The following WDR20 variants were observed in gnomAD, a reference collection of about 807,000 sequenced individuals.
WDR20 encodes the protein WD repeat-containing protein 20.
Under a neutral mutation model 38.7 loss-of-function variants are expected in WDR20, and 3 were observed. The ratio of observed to expected loss-of-function variants is 0.08; its 90% CI spans 0.04 to 0.20. The LOEUF is 0.20. Among genes scored for constraint, WDR20 ranks in the 10% least tolerant of loss-of-function variants. The pLI is 1.00. For synonymous variants in WDR20, 298 were observed against 285.6 expected (o/e 1.04, Z -0.44); for missense variants, 559 against 727.7 (o/e 0.77, Z 2.67).
chr14:102,215,721 C>G (rs1236609755), downstream of WDR20, among the ~76,000 whole-genome samples: 1 of 152,160 alleles, frequency 6.6e-6, no homozygotes. Context: ...AGGCTTTGTG[C>G]TGGCGTGAGG....
chr14:102,191,722 T>C (rs200493110), intron 1 of WDR20, among the ~76,000 whole-genome samples: 1 of 152,218 alleles, frequency 6.6e-6, no homozygotes, highest in East Asian at 1.9e-4. Context: ...CTTCTGCTGT[T>C]CCCGTTTGGT....
At chr14:102,158,880 G>T (rs1318976142) in intron 1 of WDR20, among the ~76,000 whole-genome samples, 1 of 152,010 alleles carries the variant, frequency 6.6e-6, no homozygotes, top group East Asian at 1.9e-4. Context: ...CTACAAACGT[G>T]TCGCTGTTTC....
intron 1 of WDR20, among the ~76,000 whole-genome samples, chr14:102,150,847 C>G (rs375748405): frequency 6.6e-6 from 1 of 152,176 alleles, no homozygotes; most frequent in African/African-American, 2.4e-5. Context: ...AGAGGACTTA[C>G]TGAGTGCCTG....
chr14:102,212,619 A>G, downstream of WDR20: 2 of 1,534,768 alleles, frequency 1.3e-6, no homozygotes, highest in South Asian at 2.4e-5. Flanking sequence ...CACTGGAGAG[A>G]GGGGCAGGGA....
intron 1 of WDR20, among the ~76,000 whole-genome samples, chr14:102,186,761 C>T (rs1885896644): frequency 6.6e-6 from 1 of 152,034 alleles, no homozygotes; most frequent in African/African-American, 2.4e-5. Context: ...ACCACCCTGG[C>T]TAACATGGTG....
intron 1 of WDR20, among the ~76,000 whole-genome samples, chr14:102,180,795 T>C (rs1025931746): frequency 8.5e-5 from 13 of 152,216 alleles, no homozygotes; most frequent in Non-Finnish European, 1.9e-4. Context: ...GTCGTAACCA[T>C]GTGAGGGGCT....
At chr14:102,140,397 G>T (rs1272418387) in intron 1 of WDR20, among the ~76,000 whole-genome samples, 3 of 152,122 alleles carry the variant, frequency 2.0e-5, no homozygotes, top group African/African-American at 7.2e-5. Context: ...GGACCGTGGG[G>T]CGCGGGGGTT....
At chr14:102,187,717 G>A (rs1016428997) in intron 1 of WDR20, among the ~76,000 whole-genome samples, 1 of 152,128 alleles carries the variant, frequency 6.6e-6, no homozygotes, top group Non-Finnish European at 1.5e-5. Context: ...ATGGGTGGAA[G>A]GAGACTGGCA....
intron 2 of WDR20, among the ~76,000 whole-genome samples, chr14:102,197,322 G>A (rs2059580182): frequency 6.6e-6 from 1 of 152,242 alleles, no homozygotes; most frequent in African/African-American, 2.4e-5. Flanking sequence ...AATGGACAGA[G>A]AGTACTGGGC....
At chr14:102,162,261 G>A (rs2058904090) in intron 1 of WDR20, among the ~76,000 whole-genome samples, 1 of 152,304 alleles carries the variant, frequency 6.6e-6, no homozygotes, top group Non-Finnish European at 1.5e-5. Flanking sequence ...CACATTGAGT[G>A]CACCTTTGAC....
downstream of WDR20, among the ~76,000 whole-genome samples, chr14:102,216,369 T>C (rs2063222469): frequency 6.6e-6 from 1 of 152,170 alleles, no homozygotes; most frequent in South Asian, 2.1e-4. Flanking sequence ...CATGGCTCAC[T>C]GAAGCCTTGA....
At chr14:102,210,703 C>A (rs543254714), downstream of WDR20, among the ~76,000 whole-genome samples, 7 of 145,848 alleles carry the variant, frequency 4.8e-5, no homozygotes, top group Non-Finnish European at 6.0e-5. Flanking sequence ...GTTTTCCCAA[C>A]AAGGGAAAAG....
chr14:102,161,036 T>A (rs1175804069), intron 1 of WDR20, among the ~76,000 whole-genome samples: 2 of 141,862 alleles, frequency 1.4e-5, no homozygotes, highest in Non-Finnish European at 3.0e-5. Flanking sequence ...TCCTCACATG[T>A]ATGATAAATT....
intron 2 of WDR20, among the ~76,000 whole-genome samples, chr14:102,202,778 G>C (rs1393996933): frequency 6.7e-6 from 1 of 150,228 alleles, no homozygotes; most frequent in East Asian, 2.0e-4. Flanking sequence ...GGGTCTCACT[G>C]TGTCACCCAG....
At chr14:102,142,983 G>A (rs951616207) in intron 1 of WDR20, among the ~76,000 whole-genome samples, 2 of 151,984 alleles carry the variant, frequency 1.3e-5, no homozygotes, top group Non-Finnish European at 2.9e-5. Flanking sequence ...GGGAAATGGA[G>A]TAGGTGAGGA....
chr14:102,159,443 C>G (rs1472545869), intron 1 of WDR20, among the ~76,000 whole-genome samples: 9 of 152,212 alleles, frequency 5.9e-5, no homozygotes. Context: ...TGAATTAAAT[C>G]TGCATTCTAA....
At chr14:102,216,747 T>G (rs1054987434), downstream of WDR20, among the ~76,000 whole-genome samples, 14 of 152,172 alleles carry the variant, frequency 9.2e-5, no homozygotes, top group Admixed American at 2.0e-4. Flanking sequence ...CCAGCCATCA[T>G]GGCAAACCCC....
intron 2 of WDR20, among the ~76,000 whole-genome samples, chr14:102,200,467 T>TTTTGTGTGTGTG (rs748066838): frequency 3.2e-4 from 38 of 117,770 alleles, no homozygotes; most frequent in African/African-American, 1.0e-3. Flanking sequence ...ATTTTTTTTT[T>TTTTGTGTGTGTG]TGTGTGTGTG....
chr14:102,219,821 G>A (rs146249603), downstream of WDR20, among the ~76,000 whole-genome samples: 1 of 152,232 alleles, frequency 6.6e-6, no homozygotes, highest in Non-Finnish European at 1.5e-5. Context: ...CCCCAGTTCC[G>A]TTATGCCAGT....
Sources: allele counts gnomAD v4.1 joint callset (sites outside exome capture counted in the v4.1 genomes callset), GRCh38; gene constraint gnomAD v4.1.1; transcripts MANE v1.5; gene names NCBI Gene and HGNC (gene_info 2026-07-23, HGNC 2026-07-21).